NAALADL2: variants seen among roughly 807,000 people sequenced by gnomAD.
NAALADL2 encodes inactive N-acetylated-alpha-linked acidic dipeptidase-like protein 2.
A neutral mutation model predicts 87.2 loss-of-function variants in NAALADL2; 76 were observed. The observed-to-expected ratio is 0.87, with a 90% confidence interval of 0.72 to 1.05. NAALADL2 has a LOEUF of 1.05. Ranked by LOEUF, NAALADL2 falls within the 50% of genes least tolerant of loss-of-function variation. The probability of loss-of-function intolerance (pLI) is 0.00; values close to 1 mark genes in which losing one functional copy is unlikely to be tolerated. For missense variants in NAALADL2, 1,089 were observed against 945.8 expected (o/e 1.15, Z -1.99); for synonymous variants, 354 against 331.0 (o/e 1.07, Z -0.75).
chr3:175,324,876 A>G (rs1468639799), intron 5 of NAALADL2, among the ~76,000 whole-genome samples: 2 of 152,190 alleles, frequency 1.3e-5, no homozygotes, highest in African/African-American at 4.8e-5. Context: ...CTTTGCAGCA[A>G]ATATCTTTCT....
chr3:174,933,469 C>T (rs929075452), intron 1 of NAALADL2, among the ~76,000 whole-genome samples: 1 of 152,146 alleles, frequency 6.6e-6, no homozygotes, highest in African/African-American at 2.4e-5. Context: ...GGATGAATTA[C>T]GTTGCCTCAT....
At chr3:175,414,932 T>C (rs998065478) in intron 5 of NAALADL2, among the ~76,000 whole-genome samples, 2 of 152,166 alleles carry the variant, frequency 1.3e-5, no homozygotes, top group African/African-American at 4.8e-5. Context: ...GGACACTATG[T>C]AGAGTAAACT....
intron 9 of NAALADL2, among the ~76,000 whole-genome samples, chr3:175,490,280 C>T (rs1168707540): frequency 6.6e-6 from 1 of 152,176 alleles, no homozygotes; most frequent in Non-Finnish European, 1.5e-5. Context: ...TAGATCAATT[C>T]TTGCCCACTT....
intron 2 of NAALADL2, among the ~76,000 whole-genome samples, chr3:174,639,165 C>T (rs7622075): frequency 0.55 from 83,004 of 151,744 alleles, 22,924 homozygotes; most frequent in Middle Eastern, 0.66. Flanking sequence ...TGACAATTCC[C>T]GTGGCTAGTT....
In NAALADL2 at chr3:175,549,693, T is replaced by A. The variant is rs570603854; in HGVS notation, c.1654-26348T>A. On this transcript the variant is annotated intron_variant, in intron 9 of 13. Coordinates refer to ENST00000454872, the MANE Select transcript of NAALADL2 (RefSeq NM_207015.3). ...AGTTAATTATTGTTTGTTCACACAT[T>A]TACTGAATGTTTATTATATGTTAAA... 1.0e-3 allele frequency among the ~76,000 whole-genome samples: 159 copies of A among 152,078 alleles called. 2 individuals are homozygous for A. The highest frequency in any genetic ancestry group is 3.6e-3 in the African/African-American group (148 of 41,530).
At chr3:175,429,711 C>A (rs551114522) in intron 5 of NAALADL2, among the ~76,000 whole-genome samples, 1 of 151,864 alleles carries the variant, frequency 6.6e-6, no homozygotes, top group Non-Finnish European at 1.5e-5. Flanking sequence ...AATTTAGATT[C>A]GTCTAAGTAT....
At chr3:175,645,049 C>T (rs942286206) in intron 11 of NAALADL2, among the ~76,000 whole-genome samples, 4 of 151,844 alleles carry the variant, frequency 2.6e-5, no homozygotes, top group East Asian at 1.9e-4. Flanking sequence ...AATTAACTGC[C>T]GCCTACAGTA....
At chr3:175,670,342 A>C (rs962428939) in intron 11 of NAALADL2, among the ~76,000 whole-genome samples, 13 of 150,270 alleles carry the variant, frequency 8.7e-5, no homozygotes, top group Non-Finnish European at 1.8e-4. Context: ...ATTAAACTTA[A>C]GTTGACTTTC....
chr3:175,063,386 G>A (rs887836395), intron 1 of NAALADL2, among the ~76,000 whole-genome samples: 7 of 151,932 alleles, frequency 4.6e-5, no homozygotes, highest in South Asian at 2.1e-4. Flanking sequence ...CAAATCCTTC[G>A]AAACATAGAC....
chr3:174,896,589 T>C (rs1182131993), intron 1 of NAALADL2, among the ~76,000 whole-genome samples: 2 of 152,148 alleles, frequency 1.3e-5, no homozygotes, highest in African/African-American at 4.8e-5. Flanking sequence ...GTGTCCATAC[T>C]ACCAAAGCAC....
At chr3:174,753,478 T>G (rs1711540184) in intron 3 of NAALADL2, among the ~76,000 whole-genome samples, 1 of 152,236 alleles carries the variant, frequency 6.6e-6, no homozygotes, top group South Asian at 2.1e-4. Flanking sequence ...TTAACTTCGT[T>G]TCCAAGTTTT....
intron 1 of NAALADL2, among the ~76,000 whole-genome samples, chr3:174,896,222 A>G (rs1731511663): frequency 6.6e-6 from 1 of 152,090 alleles, no homozygotes; most frequent in African/African-American, 2.4e-5. Context: ...ATCCACACTG[A>G]AAAAGAAGAA....
intron 2 of NAALADL2, among the ~76,000 whole-genome samples, chr3:175,199,091 G>A (rs914925847): frequency 1.3e-5 from 2 of 152,110 alleles, no homozygotes; most frequent in Non-Finnish European, 2.9e-5. Context: ...CTTTGAAACG[G>A]GATTGTATTC....
chr3:175,169,820 C>A (rs920132723), intron 2 of NAALADL2, among the ~76,000 whole-genome samples: 16 of 151,678 alleles, frequency 1.1e-4, no homozygotes, highest in Admixed American at 9.9e-4. Context: ...GGAATAGATA[C>A]CTGGAGACAC....
At chr3:175,181,972 C>T (rs564738686) in intron 2 of NAALADL2, among the ~76,000 whole-genome samples, 2 of 151,426 alleles carry the variant, frequency 1.3e-5, no homozygotes, top group Non-Finnish European at 2.9e-5. Context: ...TGAGGGATCT[C>T]CACACTCTTT....
At chr3:175,662,452 T>C (rs145661712) in intron 11 of NAALADL2, among the ~76,000 whole-genome samples, 10 of 152,114 alleles carry the variant, frequency 6.6e-5, no homozygotes, top group African/African-American at 2.4e-4. Context: ...AATTTGACTT[T>C]TTCCTTTCCA....
At chr3:175,536,586 G>T (rs1734844050) in intron 9 of NAALADL2, among the ~76,000 whole-genome samples, 1 of 151,972 alleles carries the variant, frequency 6.6e-6, no homozygotes, top group African/African-American at 2.4e-5. Flanking sequence ...TAATAGACTT[G>T]AAAGATGGAA....
intron 2 of NAALADL2, among the ~76,000 whole-genome samples, chr3:175,204,080 C>T (rs1740464582): frequency 6.6e-6 from 1 of 152,142 alleles, no homozygotes; most frequent in Non-Finnish European, 1.5e-5. Context: ...AAGGAACCCT[C>T]CCTAATTCAT....
chr3:174,865,381 G>C (rs11922249), intron 1 of NAALADL2, among the ~76,000 whole-genome samples: 2 of 151,834 alleles, frequency 1.3e-5, no homozygotes, highest in Non-Finnish European at 2.9e-5. Flanking sequence ...TCTGAGATCT[G>C]ATTAAACTGC....
Sources: allele counts gnomAD v4.1 joint callset (sites outside exome capture counted in the v4.1 genomes callset), GRCh38; gene constraint gnomAD v4.1.1; transcripts MANE v1.5; gene names NCBI Gene and HGNC (gene_info 2026-07-23, HGNC 2026-07-21).